Variants in AKNA observed in about 807,000 individuals in gnomAD.
AKNA encodes AT-hook transcription factor.
Under a neutral mutation model 138.8 loss-of-function variants are expected in AKNA, and 67 were observed. That is an observed-to-expected ratio of 0.48 (90% CI 0.40 to 0.59). The LOEUF (loss-of-function observed/expected upper bound fraction) is 0.59, where lower values mean the gene tolerates loss of function less well. Ranked by LOEUF, AKNA falls within the 20% of genes least tolerant of loss-of-function variation. AKNA has a pLI of 0.00. For missense variants in AKNA, 1,813 were observed against 1,880.4 expected, an observed-to-expected ratio of 0.96 and a Z score of 0.66; for synonymous variants, 737 against 754.4, an observed-to-expected ratio of 0.98 and a Z score of 0.38.
chr9:114,338,630 C>T (rs145935505), intron 21 of AKNA, among the ~76,000 whole-genome samples: 105 of 152,324 alleles, frequency 6.9e-4, no homozygotes, highest in Admixed American at 1.2e-3. Context: ...CTTAGCAGCT[C>T]AGGCCCTGGA....
downstream of AKNA, among the ~76,000 whole-genome samples, chr9:114,331,050 A>G (rs1829842762): frequency 6.6e-6 from 1 of 152,104 alleles, no homozygotes; most frequent in Non-Finnish European, 1.5e-5. Flanking sequence ...GAGGAAACAT[A>G]AGAACAGAGA....
At chr9:114,330,981 T>A, downstream of AKNA, 1 of 768,588 alleles carries the variant, frequency 1.3e-6, no homozygotes, top group Non-Finnish European at 2.2e-6. Flanking sequence ...CACTAACATT[T>A]TTGAGCTCTT....
chr9:114,356,643 C>T (rs945080038), intron 13 of AKNA, among the ~76,000 whole-genome samples: 3 of 152,202 alleles, frequency 2.0e-5, no homozygotes, highest in African/African-American at 7.2e-5. Context: ...CCCAGTCTGT[C>T]GCTAATTAGC....
chr9:114,360,203 T>TA, intron 9 of AKNA, 141 bp from the exon 10 acceptor site: 1 of 985,676 alleles, frequency 1.0e-6, no homozygotes, highest in Non-Finnish European at 1.5e-6. Flanking sequence ...CCCTTTTATG[T>TA]ATGTGTAAAC....
upstream of AKNA, chr9:114,388,128 C>A: frequency 1.1e-5 from 3 of 266,018 alleles, no homozygotes; most frequent in South Asian, 9.1e-5. Flanking sequence ...TGTCTGCGTG[C>A]AGAGCAAGAG....
rs764506028 is a variant in AKNA, at chr9:114,342,107, T to C, written c.3776A>G (p.Asp1259Gly). The C allele has an allele frequency of 2.5e-6, 4 of 1,603,444 alleles. No homozygotes were observed. The highest frequency in any genetic ancestry group is 3.4e-6 in the Non-Finnish European group (4 of 1,175,740). The change falls in exon 20 of 22, where the codon GAC becomes GGC. Residue 1259 changes from aspartate to glycine, a missense_variant. Physicochemically the swap from Asp to Gly is moderately conservative, Grantham distance 94. Coordinates refer to ENST00000374088, the MANE Select transcript of AKNA (RefSeq NM_001317950.2). The stretch of plus-strand genomic sequence containing the variant: ...ATCAGCGGGAGGCGGTCCCAGTGGG[T>C]CCCCTGTGACAGCACCACCTAGAAG... ...TQDAGGAVTGDPLGPPPADTL... is the reference protein window; with the variant it reads ...TQDAGGAVTGGPLGPPPADTL...
At chr9:114,362,350 G>C in intron 8 of AKNA, 56 bp downstream of exon 8, 1 of 1,547,600 alleles carries the variant, frequency 6.5e-7, no homozygotes, top group African/African-American at 1.4e-5. Flanking sequence ...TGGAGACTGA[G>C]GGACCCCAGG....
Position 114,374,079 on chromosome 9 carries a change from T to A in AKNA, c.1416+14A>T. ...GACTTGGGCCCATGCCTCCACCCCA[T>A]CCCGGCCTGGTACCTTGGCCCCGAG... On this transcript the variant is annotated intron_variant, in intron 4 of 21. Transcript: ENST00000374088. 1 of 1,553,070 alleles carries A rather than the reference T, an allele frequency of 6.4e-7. No individual in the cohort carries two copies. Among genetic ancestry groups the A allele is most frequent in the Non-Finnish European group, 8.7e-7 (1 of 1,147,748 alleles).
In AKNA at chr9:114,335,503, G is replaced by A. The variant is rs924409336; in HGVS notation, c.*1551C>T. The A allele has an allele frequency of 6.6e-6, 1 of 152,268 alleles. No individual in the cohort carries two copies. The highest frequency in any genetic ancestry group is 1.9e-4 in the East Asian group (1 of 5,194). The allele number at this position is 152,268 out of a possible 1,614,324, so 9.4% of individuals were successfully genotyped here. ...AAAGTACTGGAAGGCTGGGCGCCAT[G>A]GCTCACGCCTGTAATCCCAGCAATT... On this transcript the variant is annotated 3_prime_UTR_variant, in exon 22 of 22. Transcript: ENST00000374088.
chr9:114,350,272 C>T (rs1345639905), intron 15 of AKNA, among the ~76,000 whole-genome samples: 2 of 152,164 alleles, frequency 1.3e-5, no homozygotes, highest in Non-Finnish European at 2.9e-5. Flanking sequence ...CATGCCTGTT[C>T]GAGCCAAAGA....
At chr9:114,380,981 CAAAAAAAAA>C in intron 2 of AKNA, 70 bp downstream of exon 2, 35 of 1,106,802 alleles carry the variant, frequency 3.2e-5, no homozygotes, top group Non-Finnish European at 3.6e-5. Context: ...GACTCTGTCT[CAAAAAAAAA>C]AAAAAAAAAA....
intron 1 of AKNA, among the ~76,000 whole-genome samples, chr9:114,385,617 G>A (rs1316385814): frequency 7.2e-5 from 11 of 152,216 alleles, no homozygotes; most frequent in South Asian, 2.1e-4. Flanking sequence ...TGACTCAGTC[G>A]TGGCAGAAAT....
chr9:114,348,014 C>A, intron 15 of AKNA, 114 bp from the exon 16 acceptor site: 1 of 1,151,656 alleles, frequency 8.7e-7, no homozygotes, highest in South Asian at 1.5e-5. Flanking sequence ...GGCACAGGGT[C>A]TATCTCTGCT....
chr9:114,372,964 C>CA (rs1554842042), intron 4 of AKNA, among the ~76,000 whole-genome samples: 1 of 26,122 alleles, frequency 3.8e-5, no homozygotes, highest in East Asian at 1.7e-3. Context: ...GGGGACGCAG[C>CA]GGGGGGGGGG....
chr9:114,388,020 C>T (rs1564102765), upstream of AKNA: 1 of 315,748 alleles, frequency 3.2e-6, no homozygotes. Flanking sequence ...AGCATCGCTC[C>T]CCACCTCTCC....
intron 6 of AKNA, 88 bp from the exon 7 acceptor site, chr9:114,364,707 G>A (rs1832215959): frequency 2.9e-6 from 4 of 1,392,528 alleles, no homozygotes; most frequent in Non-Finnish European, 4.1e-6. Flanking sequence ...TTGGTAAGAG[G>A]AGCTGGGTCC....
At chr9:114,359,496 C>G in intron 11 of AKNA, 98 bp downstream of exon 11, 1 of 1,594,432 alleles carries the variant, frequency 6.3e-7, no homozygotes, top group East Asian at 2.2e-5. Flanking sequence ...TAAGCCATGT[C>G]TAAACTGTGA....
intron 6 of AKNA, among the ~76,000 whole-genome samples, chr9:114,365,083 T>G (rs1832245765): frequency 6.6e-6 from 1 of 152,132 alleles, no homozygotes; most frequent in African/African-American, 2.4e-5. Context: ...ATAGAATATG[T>G]GGAGAGTAAA....
At chr9:114,381,484 C>A in intron 1 of AKNA, 38 bp from the exon 2 acceptor site, 1 of 1,346,348 alleles carries the variant, frequency 7.4e-7, no homozygotes, top group South Asian at 2.0e-5. Context: ...ATTAATCAAT[C>A]CTGATCCCCT....
Sources: allele counts gnomAD v4.1 joint callset (sites outside exome capture counted in the v4.1 genomes callset), GRCh38; gene constraint gnomAD v4.1.1; transcripts MANE v1.5; gene names NCBI Gene and HGNC (gene_info 2026-07-23, HGNC 2026-07-21).